ITK: variants seen among roughly 807,000 people sequenced by gnomAD.
ITK encodes the protein tyrosine-protein kinase ITK/TSK.
ITK carries 45 observed loss-of-function variants against 87.6 expected under a neutral mutation model. That is an observed-to-expected ratio of 0.51 (90% CI 0.40 to 0.66). ITK has a LOEUF of 0.66. ITK is among the 30% of genes least tolerant of loss of function. The probability of loss-of-function intolerance (pLI) is 0.00; values close to 1 mark genes in which losing one functional copy is unlikely to be tolerated. For synonymous variants in ITK, 303 were observed against 273.6 expected, an observed-to-expected ratio of 1.11 and a Z score of -1.06; for missense variants, 605 against 766.3, an observed-to-expected ratio of 0.79 and a Z score of 2.48.
rs1487284759 is a variant in ITK at position 157,254,194 on chromosome 5, G to A, written c.*1516G>A. The A allele has an allele frequency of 4.3e-6, 1 of 229,908 alleles. No homozygotes were observed. Among genetic ancestry groups the A allele is most frequent in the Non-Finnish European group, 8.6e-6 (1 of 116,062 alleles). The allele number at this position is 229,908 out of a possible 1,614,324, so 14.2% of individuals were successfully genotyped here. ...TAAAGAAGTCAGTATAGAACCACTAGCGAATAGTGTTGCTCTGGCACAGAC... is the reference window on the plus strand; with the variant it reads ...TAAAGAAGTCAGTATAGAACCACTAACGAATAGTGTTGCTCTGGCACAGAC... On this transcript the variant is annotated 3_prime_UTR_variant, in exon 17 of 17. Coordinates refer to ENST00000422843, the MANE Select transcript of ITK (RefSeq NM_005546.4).
chr5:157,183,997 T>G (rs115285703), intron 1 of ITK, among the ~76,000 whole-genome samples: 1,548 of 152,336 alleles, frequency 0.01, 27 homozygotes, highest in African/African-American at 0.031. Flanking sequence ...GTTCGATGCC[T>G]GTTTTTCCTG....
At chr5:157,244,574 A>G in intron 13 of ITK, 96 bp downstream of exon 13, 2 of 781,380 alleles carry the variant, frequency 2.6e-6, no homozygotes, top group South Asian at 2.9e-5. Context: ...TACATTACAG[A>G]TAATCTCCTT....
rs1171987927 is a variant in ITK at position 157,252,663 on chromosome 5, A to G, written c.1848A>G (p.Ala616=). Residue 616 remains alanine, a synonymous_variant, in exon 17 of 17, where the codon GCA becomes GCG. Transcript: ENST00000422843. ...SRLLRQLAEI[A]ESGL Reference sequence around the variant, plus strand: ...TGCTGCGTCAACTGGCTGAAATTGCAGAATCAGGACTTTAGTAGAGACTGA... The same window carrying G: ...TGCTGCGTCAACTGGCTGAAATTGCGGAATCAGGACTTTAGTAGAGACTGA... 1.2e-6 allele frequency: 2 copies of G among 1,613,566 alleles called. No individual in the cohort carries two copies. The highest frequency in any genetic ancestry group is 1.7e-6 in the Non-Finnish European group (2 of 1,179,536).
At chr5:157,226,961 A>G (rs1266545426) in intron 6 of ITK, among the ~76,000 whole-genome samples, 1 of 152,118 alleles carries the variant, frequency 6.6e-6, no homozygotes, top group African/African-American at 2.4e-5. Context: ...CTGAGACTAC[A>G]GGTGCATGCC....
Position 157,214,269 on chromosome 5 carries a change from A to G in ITK, c.404A>G (p.Gln135Arg). The change falls in exon 4 of 17, where the codon CAG becomes CGG. Residue 135 changes from glutamine (Q) to arginine (R), a missense_variant. Gln to Arg is a conservative substitution (Grantham distance 43). This residue lies in a region of ITK where 464 missense variants were observed against 578.0 expected (regional missense o/e 0.80). Transcript: ENST00000422843. ...GATGGGAAGTGGAGGTGCTGTTCTC[A>G]GCTGGAGAAGCTTGCAACAGGCTGT... Reference protein sequence around the residue: ...WMDGKWRCCSQLEKLATGCAQ... With the variant: ...WMDGKWRCCSRLEKLATGCAQ... 1.9e-6 allele frequency: 3 copies of G among 1,612,166 alleles called. No individual in the cohort carries two copies. Among genetic ancestry groups the G allele is most frequent in the Non-Finnish European group, 2.5e-6 (3 of 1,178,148 alleles).
chr5:157,186,712 C>A (rs1050594127), intron 1 of ITK, among the ~76,000 whole-genome samples: 1 of 134,434 alleles, frequency 7.4e-6, no homozygotes, highest in African/African-American at 2.8e-5. Context: ...GAGAGAGAGC[C>A]TTGGCAAGCT....
intron 1 of ITK, among the ~76,000 whole-genome samples, chr5:157,186,984 C>G (rs1274468564): frequency 1.3e-5 from 2 of 152,210 alleles, no homozygotes; most frequent in African/African-American, 4.8e-5. Context: ...ACGATGGACA[C>G]CAGCAGAATC....
intron 4 of ITK, among the ~76,000 whole-genome samples, chr5:157,216,391 G>A (rs1754299151): frequency 6.6e-6 from 1 of 152,152 alleles, no homozygotes. Flanking sequence ...GAGATTCAAT[G>A]GTGTTGTGGA....
At chr5:157,241,761 G>A (rs894422012) in intron 11 of ITK, 41 bp downstream of exon 11, 3 of 1,477,716 alleles carry the variant, frequency 2.0e-6, no homozygotes, top group Non-Finnish European at 2.8e-6. Context: ...TGTCCCTAAA[G>A]GTCTGGGGCA....
chr5:157,194,322 A>G (rs163425), intron 1 of ITK, among the ~76,000 whole-genome samples: 26,006 of 152,112 alleles, frequency 0.17, 3,046 homozygotes, highest in African/African-American at 0.33. Context: ...GAGTTCCTGG[A>G]CTTGTAAACC....
intron 6 of ITK, among the ~76,000 whole-genome samples, chr5:157,225,304 AC>A (rs1156607518): frequency 5.9e-5 from 9 of 152,306 alleles, no homozygotes; most frequent in African/African-American, 2.2e-4. Context: ...CCTATATGTC[AC>A]ATTTCTAACT....
chr5:157,205,624 G>A (rs954929296), intron 1 of ITK, among the ~76,000 whole-genome samples: 5 of 152,078 alleles, frequency 3.3e-5, no homozygotes, highest in African/African-American at 1.2e-4. Context: ...GTATACTAAG[G>A]ACAGTCACAT....
At chr5:157,200,255 A>G (rs1452486737) in intron 1 of ITK, among the ~76,000 whole-genome samples, 2 of 149,010 alleles carry the variant, frequency 1.3e-5, no homozygotes, top group South Asian at 4.2e-4. Context: ...ACATCAGACT[A>G]TGAGGATGGC....
chr5:157,201,179 T>C (rs987289613), intron 1 of ITK, among the ~76,000 whole-genome samples: 1 of 151,542 alleles, frequency 6.6e-6, no homozygotes, highest in Non-Finnish European at 1.5e-5. Flanking sequence ...AGTACACTAA[T>C]AGAAAAAAAA....
intron 8 of ITK, among the ~76,000 whole-genome samples, chr5:157,235,684 C>A (rs1213884980): frequency 6.6e-6 from 1 of 152,170 alleles, no homozygotes; most frequent in Non-Finnish European, 1.5e-5. Flanking sequence ...GCACCACCTC[C>A]AGAATGAAAG....
At chr5:157,236,997 C>T (rs1754788522) in intron 8 of ITK, among the ~76,000 whole-genome samples, 1 of 152,214 alleles carries the variant, frequency 6.6e-6, no homozygotes, top group African/African-American at 2.4e-5. Flanking sequence ...CTGTGGAAAG[C>T]AGTTTGGTGA....
At chr5:157,223,102 G>A (rs191631902) in intron 6 of ITK, 88 bp downstream of exon 6, 1 of 1,485,084 alleles carries the variant, frequency 6.7e-7, no homozygotes, top group Admixed American at 1.7e-5. Context: ...ATCTCCCACA[G>A]TGTAACCACA....
At chr5:157,241,408 T>C (rs1485651650) in intron 10 of ITK, 2 of 356,462 alleles carry the variant, frequency 5.6e-6, no homozygotes, top group Non-Finnish European at 1.0e-5. Context: ...AATTATATTA[T>C]ATATCTTCTA....
intron 1 of ITK, among the ~76,000 whole-genome samples, chr5:157,190,902 GT>G (rs1483835325): frequency 3.3e-5 from 5 of 152,320 alleles, no homozygotes; most frequent in African/African-American, 1.2e-4. Context: ...ATGGCAAGGA[GT>G]TTGGATTTGA....
Sources: allele counts gnomAD v4.1 joint callset (sites outside exome capture counted in the v4.1 genomes callset), GRCh38; gene constraint gnomAD v4.1.1; regional missense constraint gnomAD v4.1.1; transcripts MANE v1.5; gene names NCBI Gene and HGNC (gene_info 2026-07-23, HGNC 2026-07-21).